ZNF106: variants seen among roughly 807,000 people sequenced by gnomAD.
ZNF106 encodes zinc finger protein 106.
A neutral mutation model predicts 195.1 loss-of-function variants in ZNF106; 67 were observed. The observed-to-expected ratio is 0.34, with a 90% confidence interval of 0.28 to 0.42. The LOEUF (loss-of-function observed/expected upper bound fraction) is 0.42. Among genes scored for constraint, ZNF106 ranks in the 10% least tolerant of loss-of-function variants. ZNF106 has a pLI of 1.00. For missense variants in ZNF106, 2,118 were observed against 2,304.5 expected, an observed-to-expected ratio of 0.92 and a Z score of 1.66; for synonymous variants, 784 against 818.6, an observed-to-expected ratio of 0.96 and a Z score of 0.72.
chr15:42,421,266 G>C, intron 19 of ZNF106, 134 bp from the exon 20 acceptor site: 1 of 777,056 alleles, frequency 1.3e-6, no homozygotes. Flanking sequence ...CTCCAGAGCA[G>C]GAGAATGGGA....
chr15:42,478,914 C>T (rs763007661), intron 1 of ZNF106, among the ~76,000 whole-genome samples: 2 of 152,282 alleles, frequency 1.3e-5, no homozygotes, highest in Admixed American at 6.5e-5. Context: ...CTCCCCTTGG[C>T]CATGACAGTT....
intron 21 of ZNF106, 112 bp from the exon 22 acceptor site, chr15:42,417,472 A>G (rs984730429): frequency 5.4e-6 from 7 of 1,290,312 alleles, no homozygotes; most frequent in Non-Finnish European, 6.6e-6. Context: ...CAGACAGGAA[A>G]GGCAGTTAGG....
At chr15:42,476,833 T>C (rs1326471587) in intron 1 of ZNF106, among the ~76,000 whole-genome samples, 2 of 152,202 alleles carry the variant, frequency 1.3e-5, no homozygotes, top group African/African-American at 4.8e-5. Flanking sequence ...GGGTCAACTG[T>C]ATACTTTCTC....
Position 42,424,219 on chromosome 15 carries a change from C to T in ZNF106, c.5191-159G>A, listed in dbSNP as rs1595434699. On this transcript the variant is annotated intron_variant, in intron 16 of 21. Transcript: ENST00000564754. ...CTCAGATGAATTTTCTCAGCTGAAACTTACACCCCCCTACCAAGCATGCTA... is the reference window on the plus strand; with the variant it reads ...CTCAGATGAATTTTCTCAGCTGAAATTTACACCCCCCTACCAAGCATGCTA... 1.0e-5 allele frequency: 6 copies of T among 599,980 alleles called. No homozygotes were observed. In the East Asian group the frequency reaches 1.7e-4, roughly 17 times the overall value. The allele number at this position is 599,980 out of a possible 1,614,324, so 37.2% of individuals were successfully genotyped here. A position where few individuals can be genotyped will look rare whatever the true frequency, so the allele number is the denominator to read the frequency against.
intron 11 of ZNF106, 125 bp from the exon 12 acceptor site, chr15:42,438,792 GATTT>G: frequency 2.1e-6 from 2 of 939,950 alleles, no homozygotes; most frequent in Non-Finnish European, 3.2e-6. Flanking sequence ...TAAGAGATTA[GATTT>G]TCCATCTGAA....
At chr15:42,480,332 T>C (rs1247806354) in intron 1 of ZNF106, among the ~76,000 whole-genome samples, 1 of 152,234 alleles carries the variant, frequency 6.6e-6, no homozygotes, top group African/African-American at 2.4e-5. Context: ...ATACTTTTTA[T>C]ATTGAAGTCT....
intron 5 of ZNF106, 63 bp from the exon 6 acceptor site, chr15:42,448,768 T>C: frequency 4.0e-6 from 6 of 1,499,260 alleles, no homozygotes; most frequent in Non-Finnish European, 5.3e-6. Flanking sequence ...GGGCATTATT[T>C]TTTAATGTGC....
chr15:42,423,790 T>C (rs2054754240), intron 17 of ZNF106, among the ~76,000 whole-genome samples: 1 of 152,188 alleles, frequency 6.6e-6, no homozygotes, highest in Non-Finnish European at 1.5e-5. Context: ...AAACCTTACA[T>C]AAAGCCTGTC....
At chr15:42,437,406 A>T in intron 12 of ZNF106, 29 bp from the exon 13 acceptor site, 1 of 1,611,790 alleles carries the variant, frequency 6.2e-7, no homozygotes, top group South Asian at 1.1e-5. Flanking sequence ...TTTCAGAGAC[A>T]TGTCTGCTAG....
chr15:42,487,596 T>C (rs960574193), intron 1 of ZNF106, among the ~76,000 whole-genome samples: 5 of 152,078 alleles, frequency 3.3e-5, no homozygotes, highest in African/African-American at 1.2e-4. Flanking sequence ...GAGTTTCTTA[T>C]TTGTTTTCCA....
intron 5 of ZNF106, among the ~76,000 whole-genome samples, chr15:42,449,159 G>A (rs1173464089): frequency 1.3e-5 from 2 of 152,156 alleles, no homozygotes; most frequent in African/African-American, 4.8e-5. Context: ...CCTGAAGCCT[G>A]GAGAACTGTA....
At chr15:42,448,745 T>C (rs1264010143) in intron 5 of ZNF106, 40 bp from the exon 6 acceptor site, 5 of 1,546,916 alleles carry the variant, frequency 3.2e-6, no homozygotes, top group East Asian at 4.5e-5. Flanking sequence ...AAATTGGATA[T>C]GGTTGTTGGG....
intron 14 of ZNF106, among the ~76,000 whole-genome samples, chr15:42,430,835 C>T (rs532084255): frequency 1.8e-4 from 27 of 151,528 alleles, no homozygotes; most frequent in Non-Finnish European, 3.2e-4. Flanking sequence ...TAATTTTTTA[C>T]AGGTTTGTAC....
rs780588743 is a variant in ZNF106 at position 42,450,916 on chromosome 15, C to T, written c.1356G>A (p.Val452=). Residue 452 remains valine (V), a synonymous_variant, in exon 5 of 22, where the codon GTG becomes GTA. Transcript: ENST00000564754. The part of the protein sequence containing the change: ...SSDSAASFEV[V]RQCPTAEKPE... ...GTTTTTCTGCAGTGGGGCACTGTCT[C>T]ACCACCTCGAAGGAAGCAGCGGAAT... 11 of 1,614,046 alleles carry T rather than the reference C, an allele frequency of 6.8e-6. No individual in the cohort carries two copies. The highest frequency in any genetic ancestry group is 5.0e-5 in the Admixed American group (3 of 59,996).
intron 14 of ZNF106, among the ~76,000 whole-genome samples, chr15:42,428,826 C>T (rs1398362761): frequency 1.3e-5 from 2 of 151,960 alleles, no homozygotes; most frequent in African/African-American, 2.4e-5. Context: ...TGCAGTGGTG[C>T]GATCTCGGCT....
chr15:42,465,837 C>T (rs1478210988), intron 3 of ZNF106, among the ~76,000 whole-genome samples: 1 of 152,216 alleles, frequency 6.6e-6, no homozygotes, highest in East Asian at 1.9e-4. Context: ...GATAGGGCTG[C>T]TGTGAATTCA....
intron 8 of ZNF106, 135 bp downstream of exon 8, chr15:42,444,692 G>A: frequency 1.8e-6 from 2 of 1,088,328 alleles, no homozygotes; most frequent in Non-Finnish European, 2.6e-6. Context: ...TCCCCCATTA[G>A]GCACAGTCTG....
At position 42,450,913 on chromosome 15, in the gene ZNF106, T is replaced by C. The variant is rs1219436084; in HGVS notation, c.1359A>G (p.Arg453=). 1 of 1,614,176 alleles carries C rather than the reference T, an allele frequency of 6.2e-7. No individual in the cohort carries two copies. Among genetic ancestry groups the C allele is most frequent in the Non-Finnish European group, 8.5e-7 (1 of 1,180,034 alleles). Residue 453 remains arginine (R), a synonymous_variant, in exon 5 of 22, where the codon AGA becomes AGG. Transcript: ENST00000564754. ...CAGGTTTTTCTGCAGTGGGGCACTG[T>C]CTCACCACCTCGAAGGAAGCAGCGG... ...SDSAASFEVV[R]QCPTAEKPEQ...
At chr15:42,425,051 TA>T (rs1218481171) in intron 15 of ZNF106, 26 bp from the exon 16 acceptor site, 1 of 1,609,340 alleles carries the variant, frequency 6.2e-7, no homozygotes, top group Non-Finnish European at 8.5e-7. Flanking sequence ...AGATTACAGC[TA>T]AAACCAACTT....
Sources: gnomAD v4.1 joint callset for allele counts (sites outside exome capture counted in the v4.1 genomes callset) on GRCh38, gnomAD v4.1.1 for gene constraint, MANE v1.5 for transcripts, NCBI Gene and HGNC (gene_info 2026-07-23, HGNC 2026-07-21) for gene names.